The following EDIL3 variants were observed in gnomAD, a reference collection of about 807,000 sequenced individuals.
EDIL3 encodes EGF-like repeat and discoidin I-like domain-containing protein 3.
EDIL3 carries 37 observed loss-of-function variants against 67.4 expected under a neutral mutation model. The observed-to-expected ratio is 0.55, with a 90% CI of 0.42 to 0.72. The LOEUF is 0.72. EDIL3 is among the 30% of genes least tolerant of loss of function. EDIL3 has a pLI of 0.00. For missense variants in EDIL3, 527 were observed against 586.3 expected (o/e 0.90, Z 1.04); for synonymous variants, 195 against 196.3 (o/e 0.99, Z 0.05).
At chr5:84,145,578 T>C (rs1429652101) in intron 4 of EDIL3, among the ~76,000 whole-genome samples, 1 of 152,148 alleles carries the variant, frequency 6.6e-6, no homozygotes, top group Non-Finnish European at 1.5e-5. Flanking sequence ...ACTGGTATCA[T>C]TTTGGAAAAA....
chr5:84,050,660 G>T (rs188524005), intron 9 of EDIL3, among the ~76,000 whole-genome samples: 1 of 152,332 alleles, frequency 6.6e-6, no homozygotes, highest in East Asian at 1.9e-4. Context: ...CACACCAGGA[G>T]ATTATATCCT....
intron 3 of EDIL3, among the ~76,000 whole-genome samples, chr5:84,183,444 C>A (rs1284578944): frequency 6.6e-6 from 1 of 151,822 alleles, no homozygotes; most frequent in Non-Finnish European, 1.5e-5. Flanking sequence ...AAGCACATAA[C>A]CGCTAAAGAA....
chr5:84,281,855 C>CTTTTTTT (rs10708663), intron 1 of EDIL3, among the ~76,000 whole-genome samples: 4 of 72,568 alleles, frequency 5.5e-5, no homozygotes, highest in Non-Finnish European at 7.2e-5. Flanking sequence ...TTTTATTTCA[C>CTTTTTTT]TTTTTTTTTT....
chr5:84,208,725 A>G (rs62362980), intron 3 of EDIL3, among the ~76,000 whole-genome samples: 893 of 130,858 alleles, frequency 6.8e-3, no homozygotes, highest in Admixed American at 0.012. Context: ...TCAGGAAACA[A>G]CAGGTGCTAG....
intron 1 of EDIL3, among the ~76,000 whole-genome samples, chr5:84,297,177 G>GAAAAAAAAAAAAAAAAAAAA: frequency 1.6e-5 from 1 of 63,242 alleles, no homozygotes; most frequent in Non-Finnish European, 2.8e-5. Flanking sequence ...GCAAGACTCC[G>GAAAAAAAAAAAAAAAAAAAA]AAAAAAAAAA....
intron 9 of EDIL3, among the ~76,000 whole-genome samples, chr5:83,974,002 C>G (rs1242272619): frequency 2.6e-5 from 4 of 151,912 alleles, no homozygotes; most frequent in Non-Finnish European, 5.9e-5. Flanking sequence ...GTGCTTTGTG[C>G]TTGCTGGAGG....
At chr5:84,369,901 T>C (rs915938627) in intron 1 of EDIL3, among the ~76,000 whole-genome samples, 3 of 152,182 alleles carry the variant, frequency 2.0e-5, no homozygotes, top group African/African-American at 7.2e-5. Flanking sequence ...GTCATCATTA[T>C]ACCTTTTCAT....
chr5:83,961,718 G>T (rs902010020), intron 10 of EDIL3, among the ~76,000 whole-genome samples: 1 of 151,176 alleles, frequency 6.6e-6, no homozygotes, highest in Non-Finnish European at 1.5e-5. Context: ...AATGCTTACT[G>T]TAAAAGGTAA....
chr5:84,031,453 G>T (rs924873154), intron 9 of EDIL3, among the ~76,000 whole-genome samples: 2 of 152,142 alleles, frequency 1.3e-5, no homozygotes, highest in Admixed American at 1.3e-4. Context: ...CTGTGACTTA[G>T]TTGGTAAATC....
Position 84,243,073 on chromosome 5 carries a change from G to A in EDIL3, c.196+11011C>T, listed in dbSNP as rs201834502. Among the ~76,000 whole-genome samples, 12 of 8,180 alleles carry A rather than the reference G, an allele frequency of 1.5e-3. No homozygotes were observed. In the East Asian group the frequency reaches 0.3, roughly 205 times the overall value. The allele number at this position is 8,180 out of a possible 152,430, so 5.4% of individuals were successfully genotyped here. ...CTTGTTTATTTTCAGGTTATTTTAT[G>A]TGTGTGTGTGTGTGTGTAAATGAAT... On this transcript the variant is annotated intron_variant, in intron 2 of 10. Transcript: ENST00000296591.
chr5:83,951,192 A>C (rs1375940078), intron 10 of EDIL3, among the ~76,000 whole-genome samples: 2 of 151,820 alleles, frequency 1.3e-5, no homozygotes, highest in Non-Finnish European at 2.9e-5. Context: ...TCACACGGGC[A>C]TGATCCATTT....
In EDIL3 at chr5:84,281,886, G is replaced by A. The variant is rs565717057; in HGVS notation, c.68-27674C>T. On this transcript the variant is annotated intron_variant, in intron 1 of 10. Coordinates refer to ENST00000296591, the MANE Select transcript of EDIL3 (RefSeq NM_005711.5). ...TTTTTTTTTTTTTTTTTTTTGAGGTGGAGTCTCACTCTGTCACCTGGACTG... is the reference window on the plus strand; with the variant it reads ...TTTTTTTTTTTTTTTTTTTTGAGGTAGAGTCTCACTCTGTCACCTGGACTG... Among the ~76,000 whole-genome samples, 733 of 130,790 alleles carry A rather than the reference G, an allele frequency of 5.6e-3. 4 individuals are homozygous for A. The highest frequency in any genetic ancestry group is 9.1e-3 in the Middle Eastern group (2 of 220). The allele number at this position is 130,790 out of a possible 152,430, so 85.8% of individuals were successfully genotyped here. A position where few individuals can be genotyped will look rare whatever the true frequency, so the allele number is the denominator to read the frequency against.
chr5:84,331,742 G>T (rs896869851), intron 1 of EDIL3, among the ~76,000 whole-genome samples: 1 of 152,026 alleles, frequency 6.6e-6, no homozygotes, highest in African/African-American at 2.4e-5. Context: ...ATGTTTCTCT[G>T]TATACTATTT....
intron 1 of EDIL3, among the ~76,000 whole-genome samples, chr5:84,361,130 T>C (rs1218599668): frequency 6.6e-6 from 1 of 152,084 alleles, no homozygotes; most frequent in East Asian, 1.9e-4. Flanking sequence ...AGACAAGCGA[T>C]GGTTGTGATG....
chr5:84,105,199 T>C (rs1369398157), intron 6 of EDIL3, among the ~76,000 whole-genome samples: 4 of 152,136 alleles, frequency 2.6e-5, no homozygotes, highest in African/African-American at 9.6e-5. Flanking sequence ...TAAAACTGTA[T>C]AGATGTGCCA....
chr5:84,268,633 C>A (rs199517104), intron 1 of EDIL3, among the ~76,000 whole-genome samples: 1 of 152,106 alleles, frequency 6.6e-6, no homozygotes, highest in East Asian at 1.9e-4. Context: ...AAAAATAACA[C>A]CTCTGTTTCA....
chr5:84,180,470 T>G lies in EDIL3; in HGVS notation c.278A>C (p.Glu93Ala), dbSNP rs780961321. ...CHNGGTCEISEAYRGDTFIGY... is the reference protein window; with the variant it reads ...CHNGGTCEISAAYRGDTFIGY... Reference sequence around the variant, plus strand: ...TATGAATGTATCCCCTCGGTATGCTTCACTTATTTCACAGGTTCCTCCATT... The same window carrying G: ...TATGAATGTATCCCCTCGGTATGCTGCACTTATTTCACAGGTTCCTCCATT... Residue 93 changes from glutamate (E) to alanine (A), a missense_variant, in exon 4 of 11, where the codon GAA becomes GCA. Coordinates refer to ENST00000296591, the MANE Select transcript of EDIL3 (RefSeq NM_005711.5). 6 of 1,608,686 alleles carry G rather than the reference T, an allele frequency of 3.7e-6. No homozygotes were observed. Among genetic ancestry groups the G allele is most frequent in the Non-Finnish European group, 5.1e-6 (6 of 1,177,408 alleles).
chr5:84,149,886 A>G (rs1748356752), intron 4 of EDIL3, among the ~76,000 whole-genome samples: 2 of 152,272 alleles, frequency 1.3e-5, no homozygotes, highest in Admixed American at 1.3e-4. Flanking sequence ...TAGACGTTTT[A>G]AGACATACCA....
chr5:84,025,883 G>T (rs1745801628), intron 9 of EDIL3, among the ~76,000 whole-genome samples: 1 of 152,120 alleles, frequency 6.6e-6, no homozygotes, highest in Non-Finnish European at 1.5e-5. Context: ...TGTGTTCCTT[G>T]CAGCCTTTGC....
Sources: allele counts gnomAD v4.1 joint callset (sites outside exome capture counted in the v4.1 genomes callset), GRCh38; gene constraint gnomAD v4.1.1; transcripts MANE v1.5; gene names NCBI Gene and HGNC (gene_info 2026-07-23, HGNC 2026-07-21).